Variants in UBOX5 observed in about 807,000 individuals in gnomAD.
UBOX5 encodes RING finger protein 37.
Under a neutral mutation model 39.0 loss-of-function variants are expected in UBOX5, and 28 were observed. The observed-to-expected ratio is 0.72, with a 90% CI of 0.53 to 0.98. The LOEUF is 0.98. UBOX5 is among the 50% of genes least tolerant of loss of function. UBOX5 has a pLI of 0.00. For synonymous variants in UBOX5, 283 were observed against 275.5 expected (o/e 1.03, Z -0.27); for missense variants, 585 against 674.4 (o/e 0.87, Z 1.47).
chr20:3,110,804 C>A (rs2066247693), intron 4 of UBOX5: 1 of 176,550 alleles, frequency 5.7e-6, no homozygotes. Flanking sequence ...TCGAGACCAG[C>A]CTGGGCAACA....
At chr20:3,126,431 C>A (rs1338482518) in intron 1 of UBOX5, among the ~76,000 whole-genome samples, 8 of 151,102 alleles carry the variant, frequency 5.3e-5, no homozygotes, top group Non-Finnish European at 1.2e-4. Context: ...TGTTTATCTG[C>A]TGACCTTCTC....
intron 4 of UBOX5, among the ~76,000 whole-genome samples, chr20:3,113,995 G>T (rs73608118): frequency 6.6e-6 from 1 of 152,130 alleles, no homozygotes; most frequent in Non-Finnish European, 1.5e-5. Flanking sequence ...TTAGCTGGGC[G>T]TGGTGGCGGG....
intron 1 of UBOX5, among the ~76,000 whole-genome samples, chr20:3,153,053 A>G (rs1488563293): frequency 6.6e-6 from 1 of 152,266 alleles, no homozygotes. Context: ...GCATCAACAC[A>G]TGAAAAAGTA....
Position 3,121,640 on chromosome 20 carries a change from G to A in UBOX5, c.999C>T (p.Leu333=). Residue 333 remains leucine (L), a synonymous_variant, in exon 3 of 5, where the codon CTC becomes CTT. Transcript: ENST00000217173. ...SLKARIDHFL[L]QHSIPGCHLL... ...GGTGGCAGCCAGGGATGGAGTGCTG[G>A]AGCAGGAAATGGTCAATCCGGGCCT... is the stretch of plus-strand genomic sequence containing the variant. The A allele has an allele frequency of 6.2e-7, 1 of 1,612,440 alleles. No individual in the cohort carries two copies. Among genetic ancestry groups the A allele is most frequent in the Non-Finnish European group, 8.5e-7 (1 of 1,179,306 alleles).
In UBOX5 at chr20:3,146,813, G is replaced by A. The variant is rs547200037; in HGVS notation, c.-42+12953C>T. The stretch of plus-strand genomic sequence containing the variant: ...GGTGAATACTTTCTCATGAAGAAAC[G>A]CCAACTTTTCTAAGCGAGTTCGTTT... On this transcript the variant is annotated intron_variant, in intron 1 of 4. Coordinates refer to ENST00000217173, the MANE Select transcript of UBOX5 (RefSeq NM_014948.4). The A allele has an allele frequency of 1.7e-5, 28 of 1,614,072 alleles. No homozygotes were observed. The East Asian group carries it at 2.5e-4, about 14-fold the overall frequency.
chr20:3,141,410 G>A (rs1369129077), intron 1 of UBOX5, among the ~76,000 whole-genome samples: 1 of 152,056 alleles, frequency 6.6e-6, no homozygotes, highest in Non-Finnish European at 1.5e-5. Context: ...CACTTTGGGA[G>A]GCCGAGGCAG....
At chr20:3,159,169 T>C (rs1275525233) in intron 1 of UBOX5, among the ~76,000 whole-genome samples, 2 of 152,180 alleles carry the variant, frequency 1.3e-5, no homozygotes, top group African/African-American at 4.8e-5. Flanking sequence ...GAGAAGGCCA[T>C]CAATACTACC....
At chr20:3,110,697 G>A (rs907372538) in intron 4 of UBOX5, 18 of 282,742 alleles carry the variant, frequency 6.4e-5, no homozygotes, top group Non-Finnish European at 1.0e-4. Context: ...TGTGAGAGGC[G>A]ACAAGAGAAG....
intron 1 of UBOX5, among the ~76,000 whole-genome samples, chr20:3,159,277 C>A (rs1300645337): frequency 2.6e-5 from 4 of 152,202 alleles, no homozygotes; most frequent in African/African-American, 4.8e-5. Flanking sequence ...AAATGCTAAG[C>A]AACATACTGT....
chr20:3,143,522 A>G (rs2066535696), intron 1 of UBOX5, among the ~76,000 whole-genome samples: 1 of 151,678 alleles, frequency 6.6e-6, no homozygotes, highest in Admixed American at 6.6e-5. Flanking sequence ...ACATCGGGGT[A>G]CAGTGGCTCA....
intron 1 of UBOX5, among the ~76,000 whole-genome samples, chr20:3,127,392 C>T (rs1280859947): frequency 6.6e-6 from 1 of 152,162 alleles, no homozygotes; most frequent in Non-Finnish European, 1.5e-5. Context: ...TGTCATGGGC[C>T]TTGTAAATGT....
At chr20:3,148,080 T>C in intron 1 of UBOX5, 1 of 1,614,162 alleles carries the variant, frequency 6.2e-7, no homozygotes, top group Non-Finnish European at 8.5e-7. Flanking sequence ...TCAGAGAGAT[T>C]AGTACTTGAT....
Position 3,122,291 on chromosome 20 carries a change from G to C in UBOX5, c.348C>G (p.Thr116=). The C allele has an allele frequency of 6.2e-7, 1 of 1,614,222 alleles. No individual in the cohort carries two copies. The highest frequency in any genetic ancestry group is 8.5e-7 in the Non-Finnish European group (1 of 1,180,028). ...TTTTCAGTAAGACTTTGCCTACCAA[G>C]GTGAACGCCTCCTTGTCTGGGACAG... ...EPSVPDKEAF[T]LVGKVLLKNQ... The change falls in exon 3 of 5, where the codon ACC becomes ACG. Residue 116 remains threonine (T), a synonymous_variant. Transcript: ENST00000217173.
At chr20:3,145,757 A>T (rs1274333598) in intron 1 of UBOX5, among the ~76,000 whole-genome samples, 1 of 152,142 alleles carries the variant, frequency 6.6e-6, no homozygotes, top group Non-Finnish European at 1.5e-5. Context: ...TTTTAAAACA[A>T]GGTATAGGCC....
chr20:3,123,503 A>C, intron 1 of UBOX5, 97 bp from the exon 2 acceptor site: 1 of 821,164 alleles, frequency 1.2e-6, no homozygotes, highest in East Asian at 2.6e-5. Context: ...GATGGCAACA[A>C]AAACTTGAAC....
At chr20:3,146,928 G>A (rs745882060) in intron 1 of UBOX5, 3 of 1,614,200 alleles carry the variant, frequency 1.9e-6, no homozygotes, top group Admixed American at 3.3e-5. Context: ...TGCAGTCCAA[G>A]GAGATCCCTG....
In UBOX5 at chr20:3,121,966, C is replaced by G. The variant is rs1214943575; in HGVS notation, c.673G>C (p.Ala225Pro). ...TCACTTTCCATGGGCAAGGCTGGAGCCTGCAGAGCCACATCCTGAGGCAGG... is the reference window on the plus strand; with the variant it reads ...TCACTTTCCATGGGCAAGGCTGGAGGCTGCAGAGCCACATCCTGAGGCAGG... ...ENLPQDVALQ[A>P]PALPMESDCD... The change falls in exon 3 of 5, where the codon GCT (alanine) becomes CCT (proline). Residue 225 changes from alanine to proline, a missense_variant. By Grantham distance (27) the Ala-to-Pro change is conservative. Transcript: ENST00000217173. 4 of 1,613,860 alleles carry G rather than the reference C, an allele frequency of 2.5e-6. No homozygotes were observed. The highest frequency in any genetic ancestry group is 3.4e-6 in the Non-Finnish European group (4 of 1,180,030).
intron 1 of UBOX5, chr20:3,150,485 T>G (rs889516490): frequency 6.6e-6 from 1 of 152,238 alleles, no homozygotes; most frequent in Non-Finnish European, 1.5e-5. Context: ...ATGAAATTGA[T>G]TCTGCTGTGC....
intron 1 of UBOX5, chr20:3,146,774 C>G: frequency 6.2e-7 from 1 of 1,611,660 alleles, no homozygotes; most frequent in African/African-American, 1.3e-5. Flanking sequence ...CCTAAATGCC[C>G]TTCAGAGAGC....
Sources: allele counts gnomAD v4.1 joint callset (sites outside exome capture counted in the v4.1 genomes callset), GRCh38; gene constraint gnomAD v4.1.1; transcripts MANE v1.5; gene names NCBI Gene and HGNC (gene_info 2026-07-23, HGNC 2026-07-21).